FAR2: variants seen among roughly 807,000 people sequenced by gnomAD.
FAR2 encodes the protein fatty acyl-CoA reductase 2, also known as epididymis secretory protein Li 81.
A neutral mutation model predicts 56.0 loss-of-function variants in FAR2; 19 were observed. The ratio of observed to expected loss-of-function variants is 0.34; its 90% CI spans 0.24 to 0.50. The LOEUF (loss-of-function observed/expected upper bound fraction) is 0.50. FAR2 is among the 20% of genes least tolerant of loss of function. The pLI is 0.98. For synonymous variants in FAR2, 219 were observed against 218.8 expected, an observed-to-expected ratio of 1.00 and a Z score of -0.01; for missense variants, 508 against 642.2, an observed-to-expected ratio of 0.79 and a Z score of 2.26.
At chr12:29,170,954 T>TC (rs1469629398) in intron 1 of FAR2, among the ~76,000 whole-genome samples, 5 of 152,244 alleles carry the variant, frequency 3.3e-5, no homozygotes, top group African/African-American at 1.2e-4. Flanking sequence ...TAATGGGGGT[T>TC]CCCCCAGAGG....
Position 29,180,103 on chromosome 12 carries a change from C to A in FAR2, c.-39+30696C>A, listed in dbSNP as rs114333132. Among the ~76,000 whole-genome samples the A allele has an allele frequency of 5.1e-3, 772 of 152,140 alleles. 13 individuals are homozygous for A. Among genetic ancestry groups the A allele is most frequent in the African/African-American group, 0.017 (725 of 41,512 alleles). On this transcript the variant is annotated intron_variant, in intron 1 of 11. Coordinates refer to ENST00000536681, the MANE Select transcript of FAR2 (RefSeq NM_001271783.2). Reference sequence around the variant, plus strand: ...TAAAATCAACCATCCCCAGGAGAGCCAAATTCAACAAAAACTTCCCTCAAA... The same window carrying A: ...TAAAATCAACCATCCCCAGGAGAGCAAAATTCAACAAAAACTTCCCTCAAA...
chr12:29,220,531 T>A (rs900114238), intron 1 of FAR2, among the ~76,000 whole-genome samples: 2 of 152,170 alleles, frequency 1.3e-5, no homozygotes, highest in African/African-American at 4.8e-5. Context: ...TATTTATACT[T>A]CAAGAAAATA....
chr12:29,329,546 T>C (rs1395383913), intron 10 of FAR2, among the ~76,000 whole-genome samples: 1 of 152,202 alleles, frequency 6.6e-6, no homozygotes, highest in Admixed American at 6.5e-5. Flanking sequence ...CAGGGCCACT[T>C]TGAAATCAAA....
chr12:29,235,729 T>A (rs1383994824), intron 1 of FAR2, among the ~76,000 whole-genome samples: 1 of 152,170 alleles, frequency 6.6e-6, no homozygotes, highest in African/African-American at 2.4e-5. Flanking sequence ...GACATTGTGC[T>A]TTATTTGAGG....
intron 1 of FAR2, among the ~76,000 whole-genome samples, chr12:29,167,146 AT>A (rs1298878831): frequency 2.0e-5 from 3 of 152,090 alleles, no homozygotes; most frequent in Non-Finnish European, 4.4e-5. Context: ...GATGGTACAA[AT>A]CCATCGCTAT....
At chr12:29,176,239 A>G (rs1456800658) in intron 1 of FAR2, among the ~76,000 whole-genome samples, 2 of 152,350 alleles carry the variant, frequency 1.3e-5, no homozygotes, top group East Asian at 3.9e-4. Flanking sequence ...TAATGGATAT[A>G]AGATATTTAT....
intron 10 of FAR2, among the ~76,000 whole-genome samples, chr12:29,324,487 A>G (rs1949610148): frequency 6.6e-6 from 1 of 152,164 alleles, no homozygotes; most frequent in Non-Finnish European, 1.5e-5. Flanking sequence ...AAGTGTTAAG[A>G]GCAGCCAGAG....
intron 5 of FAR2, among the ~76,000 whole-genome samples, chr12:29,308,711 C>CATATATATATATATATATATATATATAT (rs1428729903): frequency 9.1e-6 from 1 of 109,778 alleles, no homozygotes; most frequent in Admixed American, 8.3e-5. Context: ...CACACACACA[C>CATATATATATATATATATATATATATAT]ACACACACAT....
chr12:29,157,062 A>C (rs1949733504), intron 1 of FAR2: 1 of 144,670 alleles, frequency 6.9e-6, no homozygotes, highest in Non-Finnish European at 1.5e-5. Context: ...TTCAATAGAC[A>C]TTTTCCCACT....
chr12:29,167,616 C>T (rs1319460746), intron 1 of FAR2, among the ~76,000 whole-genome samples: 1 of 152,188 alleles, frequency 6.6e-6, no homozygotes. Context: ...CGTCATTATC[C>T]TATATCACTT....
At chr12:29,258,295 C>T (rs1219008328) in intron 1 of FAR2, among the ~76,000 whole-genome samples, 4 of 151,902 alleles carry the variant, frequency 2.6e-5, no homozygotes, top group Non-Finnish European at 4.4e-5. Flanking sequence ...GCAGAGATTG[C>T]AGTGAGCCGA....
At chr12:29,261,077 T>C (rs1214494731) in intron 1 of FAR2, among the ~76,000 whole-genome samples, 1 of 152,190 alleles carries the variant, frequency 6.6e-6, no homozygotes, top group Admixed American at 6.5e-5. Flanking sequence ...AAATACCTGA[T>C]GCTTAAACAT....
chr12:29,255,603 C>A (rs1258993266), intron 1 of FAR2, among the ~76,000 whole-genome samples: 2 of 152,076 alleles, frequency 1.3e-5, no homozygotes, highest in African/African-American at 4.8e-5. Flanking sequence ...TACTGGCTAT[C>A]ACTACTTTCT....
intron 1 of FAR2, among the ~76,000 whole-genome samples, chr12:29,246,789 G>T (rs1207108791): frequency 6.6e-6 from 1 of 151,988 alleles, no homozygotes; most frequent in Non-Finnish European, 1.5e-5. Context: ...AAAGACAAAT[G>T]CCTAAAACTT....
intron 1 of FAR2, among the ~76,000 whole-genome samples, chr12:29,256,793 G>A (rs1223888160): frequency 6.6e-6 from 1 of 152,244 alleles, no homozygotes; most frequent in African/African-American, 2.4e-5. Flanking sequence ...CAGGCCAGCT[G>A]CCGAGGAGGG....
Position 29,301,097 on chromosome 12 carries a change from C to G in FAR2, c.545+3897C>G, listed in dbSNP as rs534013807. ...TGAGCTCCCTTTCTTTAGCCCCTAT[C>G]TAAAAACTTTTAGCATTACCTTGGC... On this transcript the variant is annotated intron_variant, in intron 4 of 11. Transcript: ENST00000536681. Among the ~76,000 whole-genome samples, 3 of 152,272 alleles carry G rather than the reference C, an allele frequency of 2.0e-5. No homozygotes were observed. In the East Asian group the frequency reaches 5.8e-4, roughly 29 times the overall value.
At chr12:29,241,108 T>C (rs1257001861) in intron 1 of FAR2, among the ~76,000 whole-genome samples, 2 of 152,130 alleles carry the variant, frequency 1.3e-5, no homozygotes, top group Non-Finnish European at 2.9e-5. Context: ...CCCGGCCTCA[T>C]TGTGTATTTA....
intron 4 of FAR2, among the ~76,000 whole-genome samples, chr12:29,297,828 C>A (rs1949095841): frequency 1.3e-5 from 2 of 151,852 alleles, no homozygotes; most frequent in African/African-American, 4.8e-5. Flanking sequence ...GGTGGATCAC[C>A]TGAGTCCAAG....
chr12:29,254,152 A>G (rs1166972622), intron 1 of FAR2, among the ~76,000 whole-genome samples: 13 of 152,202 alleles, frequency 8.5e-5, no homozygotes. Context: ...ACAGCTGTCC[A>G]CAATTCCCCT....
Sources: allele counts gnomAD v4.1 joint callset (sites outside exome capture counted in the v4.1 genomes callset), GRCh38; gene constraint gnomAD v4.1.1; transcripts MANE v1.5; gene names NCBI Gene and HGNC (gene_info 2026-07-23, HGNC 2026-07-21).